The following CCDC187 variants were observed in gnomAD, a reference collection of about 807,000 sequenced individuals.
CCDC187 encodes coiled-coil domain containing 187.
In CCDC187, 32 loss-of-function variants were observed where a neutral mutation model predicts 38.0. The observed-to-expected ratio is 0.84, with a 90% CI of 0.64 to 1.13. The LOEUF is 1.13. CCDC187 is among the 50% of genes most tolerant of loss of function. The pLI is 0.00. For missense variants in CCDC187, 707 were observed against 786.8 expected, an observed-to-expected ratio of 0.90 and a Z score of 1.21; for synonymous variants, 333 against 347.9, an observed-to-expected ratio of 0.96 and a Z score of 0.48.
Position 136,254,063 on chromosome 9 carries a change from G to A in CCDC187, c.5765C>T (p.Pro1922Leu), listed in dbSNP as rs1022597118. The A allele has an allele frequency of 1.0e-6, 1 of 985,398 alleles. No homozygotes were observed. Among genetic ancestry groups the A allele is most frequent in the East Asian group, 1.1e-4 (1 of 8,806 alleles). 61.0% of individuals were successfully genotyped at this position (985,398 alleles called of 1,614,324 possible). A position where few individuals can be genotyped will look rare whatever the true frequency, so the allele number is the denominator to read the frequency against. ...GTACGGGAGTTTGCTCTTGGTGGAT[G>A]GGCTCGGGTCAGCATCCCGGGTTCC... ...QEGTRDADPS[P>L]STKSKLPYLM... The change falls in exon 26 of 26, where the codon CCA (proline) becomes CTA (leucine). Residue 1922 changes from proline (P) to leucine (L), a missense_variant. By Grantham distance (98) the Pro-to-Leu change is moderately conservative. Transcript: ENST00000638797.
chr9:136,267,725 G>T, intron 15 of CCDC187: 1 of 890,462 alleles, frequency 1.1e-6, no homozygotes. Context: ...GGGCAGGCAG[G>T]ATCTTTAGCA....
chr9:136,300,428 A>C (rs911694187), intron 2 of CCDC187, 110 bp from the exon 3 acceptor site: 1 of 385,900 alleles, frequency 2.6e-6, no homozygotes, highest in Middle Eastern at 6.7e-4. Context: ...TTATTTATTT[A>C]CTTGAGACAG....
At chr9:136,259,982 G>T in intron 20 of CCDC187, 137 bp downstream of exon 20, 1 of 692,898 alleles carries the variant, frequency 1.4e-6, no homozygotes, top group Non-Finnish European at 1.8e-6. Context: ...AGGCCGGGGT[G>T]GCCCGGTCAC....
chr9:136,300,063 C>T (rs1038692479), intron 3 of CCDC187, among the ~76,000 whole-genome samples, 157 bp downstream of exon 3: 1,591 of 152,370 alleles, frequency 0.01, 23 homozygotes, highest in Non-Finnish European at 0.016. Flanking sequence ...CAGAGAATGG[C>T]AGTCTGGCTC....
chr9:136,302,776 G>T (rs2131370573), intron 2 of CCDC187, 36 bp downstream of exon 2: 1 of 399,122 alleles, frequency 2.5e-6, no homozygotes, highest in Non-Finnish European at 4.4e-6. Flanking sequence ...CAGCCTCGCA[G>T]CCCTCCTGCC....
chr9:136,293,647 C>T (rs916981388), intron 4 of CCDC187, among the ~76,000 whole-genome samples: 47 of 151,892 alleles, frequency 3.1e-4, no homozygotes, highest in Non-Finnish European at 5.6e-4. Context: ...CATGCTCACA[C>T]TCATGCTCAC....
upstream of CCDC187, among the ~76,000 whole-genome samples, chr9:136,304,353 T>C (rs999227524): frequency 2.6e-5 from 4 of 152,120 alleles, no homozygotes; most frequent in Admixed American, 2.6e-4. Context: ...CAATTCAGTC[T>C]GAGGCACAGA....
chr9:136,299,302 C>T, intron 3 of CCDC187, among the ~76,000 whole-genome samples: 1 of 152,294 alleles, frequency 6.6e-6, no homozygotes, highest in East Asian at 1.9e-4. Flanking sequence ...GGGACACACC[C>T]AAATGCCTGC....
At chr9:136,274,139 C>T (rs1830887003) in intron 14 of CCDC187, among the ~76,000 whole-genome samples, 1 of 152,176 alleles carries the variant, frequency 6.6e-6, no homozygotes, top group Non-Finnish European at 1.5e-5. Context: ...CCGAAGATGC[C>T]AAGACAGGTT....
rs1348035301 is a variant in CCDC187, at chr9:136,257,928, C to A, written c.4366+1004G>T. ...AGACCACGTGAGAACATAAGTCAGGCCTCAGGCTCCTCCTCTGCTGCGTGG... is the reference window on the plus strand; with the variant it reads ...AGACCACGTGAGAACATAAGTCAGGACTCAGGCTCCTCCTCTGCTGCGTGG... On this transcript the variant is annotated intron_variant, in intron 22 of 25. Coordinates refer to ENST00000638797, the MANE Select transcript of CCDC187 (RefSeq NM_001378188.1). The surrounding 1 kb of genome is among the most constrained non-coding windows in gnomAD (Gnocchi z 4.5). 6.6e-6 allele frequency among the ~76,000 whole-genome samples: 1 copy of A among 152,224 alleles called. No homozygotes were observed. The highest frequency in any genetic ancestry group is 2.4e-5 in the African/African-American group (1 of 41,468).
At chr9:136,305,784 C>T (rs1030613874), upstream of CCDC187, among the ~76,000 whole-genome samples, 9 of 152,242 alleles carry the variant, frequency 5.9e-5, no homozygotes, top group Non-Finnish European at 1.3e-4. Context: ...GCAAACCCAG[C>T]GAGCAGAGCA....
At chr9:136,262,854 G>A (rs1211608609) in intron 18 of CCDC187, among the ~76,000 whole-genome samples, 2 of 152,086 alleles carry the variant, frequency 1.3e-5, no homozygotes, top group Admixed American at 6.5e-5. Context: ...GAGGAGACGC[G>A]CAGGTGGGGA....
chr9:136,286,722 C>A, intron 7 of CCDC187, 27 bp from the exon 8 acceptor site: 1 of 398,734 alleles, frequency 2.5e-6, no homozygotes, highest in South Asian at 1.3e-4. Flanking sequence ...GTGGACAGAT[C>A]AGCTCAGGCT....
At chr9:136,270,578 A>G (rs1391376444) in intron 14 of CCDC187, among the ~76,000 whole-genome samples, 2 of 152,218 alleles carry the variant, frequency 1.3e-5, no homozygotes, top group Admixed American at 6.5e-5. Context: ...GAAAGTAGAC[A>G]AGGAGGGTGA....
At chr9:136,298,200 C>T (rs988292474) in intron 3 of CCDC187, among the ~76,000 whole-genome samples, 38 of 152,350 alleles carry the variant, frequency 2.5e-4, no homozygotes, top group Non-Finnish European at 3.7e-4. Flanking sequence ...GGGCCATGGG[C>T]ACTCAGGACT....
intron 22 of CCDC187, 25 bp from the exon 23 acceptor site, chr9:136,256,866 A>G (rs35375282): frequency 0.76 from 115,190 of 152,514 alleles, 44,763 homozygotes; most frequent in East Asian, 0.89. Context: ...GACTGTCAGC[A>G]CTGGTGGGGA....
Position 136,262,303 on chromosome 9 carries a change from C to T in CCDC187, c.4064+8G>A. The stretch of plus-strand genomic sequence containing the variant: ...CGACCCCCGACCCCCTAAGACCAAC[C>T]AACTCACCGCGTGGCCTTTGAGCTT... On this transcript the variant is annotated splice_region_variant and intron_variant, in intron 19 of 25. Coordinates refer to ENST00000638797, the MANE Select transcript of CCDC187 (RefSeq NM_001378188.1). The T allele has an allele frequency of 1.0e-6, 1 of 986,246 alleles. No homozygotes were observed. Among genetic ancestry groups the T allele is most frequent in the Non-Finnish European group, 1.2e-6 (1 of 830,588 alleles). 61.1% of individuals were successfully genotyped at this position (986,246 alleles called of 1,614,324 possible). A position where few individuals can be genotyped will look rare whatever the true frequency, so the allele number is the denominator to read the frequency against.
chr9:136,254,030 GGCATGAGGTACGGGAGTTT>G lies in CCDC187; in HGVS notation c.5779_5797del (p.Lys1927GlnfsTer7). The G allele has an allele frequency of 1.0e-6, 1 of 985,072 alleles. No homozygotes were observed. The highest frequency in any genetic ancestry group is 1.2e-6 in the Non-Finnish European group (1 of 829,760). The allele number at this position is 985,072 out of a possible 1,614,324, so 61.0% of individuals were successfully genotyped here. ...CAGGGTCACCGGGGTCTCGGGCTCT[GGCATGAGGTACGGGAGTTT>G]GCTCTTGGTGGATGGGCTCGGGTCA... is the stretch of plus-strand genomic sequence containing the variant. On this transcript the variant is annotated frameshift_variant, in exon 26 of 26. Transcript: ENST00000638797. LOFTEE classifies it low-confidence loss of function (END_TRUNC).
At position 136,250,390 on chromosome 9, in the gene CCDC187, A is replaced by G. The variant is rs936374433; in HGVS notation, c.*3204T>C. 2.1e-5 allele frequency: 6 copies of G among 285,734 alleles called. No homozygotes were observed. Among genetic ancestry groups the G allele is most frequent in the African/African-American group, 1.1e-4 (5 of 45,150 alleles). The allele number at this position is 285,734 out of a possible 1,614,324, so 17.7% of individuals were successfully genotyped here. On this transcript the variant is annotated 3_prime_UTR_variant, in exon 26 of 26. Coordinates refer to ENST00000638797, the MANE Select transcript of CCDC187 (RefSeq NM_001378188.1). ...CCACCGCATTGCGCCGCACGTCAGC[A>G]CCAACCACGTGGCAGCGAGCCTGGG...
Sources: allele counts gnomAD v4.1 joint callset (sites outside exome capture counted in the v4.1 genomes callset), GRCh38; gene constraint gnomAD v4.1.1; non-coding constraint Gnocchi (gnomAD v3.1); transcripts MANE v1.5; gene names NCBI Gene and HGNC (gene_info 2026-07-23, HGNC 2026-07-21).